ADARB2: variants seen among roughly 807,000 people sequenced by gnomAD.
ADARB2 encodes inactive double-stranded RNA-specific editase B2.
Under a neutral mutation model 62.2 loss-of-function variants are expected in ADARB2, and 25 were observed. That is an observed-to-expected ratio of 0.40 (90% CI 0.29 to 0.56). ADARB2 has a LOEUF of 0.56. Ranked by LOEUF, ADARB2 falls within the 20% of genes least tolerant of loss-of-function variation. ADARB2 has a pLI of 0.43. For missense variants in ADARB2, 1,071 were observed against 1,077.4 expected (o/e 0.99, Z 0.08); for synonymous variants, 572 against 500.8 (o/e 1.14, Z -1.90).
At chr10:1,225,307 C>G (rs1830735573) in intron 6 of ADARB2, among the ~76,000 whole-genome samples, 1 of 152,130 alleles carries the variant, frequency 6.6e-6, no homozygotes. Flanking sequence ...ATGTGTGTCT[C>G]TGCAGCTGAG....
rs181765913 is a variant in ADARB2 at position 1,518,398 on chromosome 10, G to A, written c.101-139238C>T. On this transcript the variant is annotated intron_variant, in intron 1 of 9. Transcript: ENST00000381312. Reference sequence around the variant, plus strand: ...ACTGTACCTGTTTGCCTTGGAATGCGTCTGCTTCATCTGTGGAAACGTAGC... The same window carrying A: ...ACTGTACCTGTTTGCCTTGGAATGCATCTGCTTCATCTGTGGAAACGTAGC... 1.2e-3 allele frequency among the ~76,000 whole-genome samples: 184 copies of A among 152,284 alleles called. 1 individual carries two copies. The highest frequency in any genetic ancestry group is 2.3e-3 in the Admixed American group (35 of 15,304).
intron 3 of ADARB2, among the ~76,000 whole-genome samples, chr10:1,348,890 C>T (rs936250692): frequency 1.3e-5 from 2 of 152,150 alleles, no homozygotes; most frequent in African/African-American, 4.8e-5. Flanking sequence ...GGCATGCAAG[C>T]GACAGCGGCC....
intron 3 of ADARB2, among the ~76,000 whole-genome samples, chr10:1,275,681 C>T (rs187948936): frequency 1.1e-4 from 15 of 131,066 alleles, no homozygotes; most frequent in East Asian, 2.7e-4. Flanking sequence ...CAACAGGCCC[C>T]GGTTGTGATG....
At chr10:1,265,561 C>A (rs554632533) in intron 4 of ADARB2, among the ~76,000 whole-genome samples, 1 of 147,176 alleles carries the variant, frequency 6.8e-6, no homozygotes, top group African/African-American at 2.5e-5. Flanking sequence ...CAGGCTCTCC[C>A]GGAAGACGGC....
At chr10:1,673,504 A>C (rs574896255) in intron 1 of ADARB2, among the ~76,000 whole-genome samples, 1 of 152,306 alleles carries the variant, frequency 6.6e-6, no homozygotes, top group African/African-American at 2.4e-5. Flanking sequence ...TTGCAAAATG[A>C]TTTCTTTACT....
chr10:1,544,853 CAA>C (rs1832494250), intron 1 of ADARB2, among the ~76,000 whole-genome samples: 2 of 151,512 alleles, frequency 1.3e-5, no homozygotes, highest in Admixed American at 1.3e-4. Context: ...GTCAAGTAAA[CAA>C]AATACGTATG....
chr10:1,719,206 G>T (rs1835058265), intron 1 of ADARB2, among the ~76,000 whole-genome samples: 1 of 151,948 alleles, frequency 6.6e-6, no homozygotes, highest in Non-Finnish European at 1.5e-5. Flanking sequence ...TCAGGTGATT[G>T]GCTCACCTCA....
At chr10:1,703,131 C>A (rs1189417298) in intron 1 of ADARB2, among the ~76,000 whole-genome samples, 2 of 152,090 alleles carry the variant, frequency 1.3e-5, no homozygotes, top group Admixed American at 6.5e-5. Flanking sequence ...CGTGCTACAC[C>A]AGGGGCTCAT....
intron 2 of ADARB2, among the ~76,000 whole-genome samples, chr10:1,375,159 A>G (rs1345973550): frequency 6.6e-6 from 1 of 152,214 alleles, no homozygotes; most frequent in African/African-American, 2.4e-5. Flanking sequence ...TCCAGGGCCC[A>G]GGGCCGCCTT....
intron 1 of ADARB2, among the ~76,000 whole-genome samples, chr10:1,708,026 A>T (rs1834910662): frequency 6.6e-6 from 1 of 152,192 alleles, no homozygotes; most frequent in Non-Finnish European, 1.5e-5. Flanking sequence ...CCTTCAGGAA[A>T]ATGACACGGT....
At chr10:1,681,495 A>C (rs1223798660) in intron 1 of ADARB2, among the ~76,000 whole-genome samples, 11 of 152,000 alleles carry the variant, frequency 7.2e-5, no homozygotes, top group Non-Finnish European at 1.6e-4. Context: ...TAAAAAAAAA[A>C]ACCCTAAACC....
rs570140876 is a variant in ADARB2, at chr10:1,477,842, G to A, written c.101-98682C>T. On this transcript the variant is annotated intron_variant, in intron 1 of 9. Transcript: ENST00000381312. This position sits in a 1 kb window ranked among gnomAD's most constrained non-coding sequence, Gnocchi z 4.5. ...CACATGTCTTTAACAATCCTGTGGC[G>A]GGCAGGTGCCTCCCCAGAACGCTTC... 3.3e-5 allele frequency among the ~76,000 whole-genome samples: 5 copies of A among 152,324 alleles called. No homozygotes were observed. The highest frequency in any genetic ancestry group is 5.9e-5 in the Non-Finnish European group (4 of 68,022).
At chr10:1,574,177 A>G (rs1832979093) in intron 1 of ADARB2, among the ~76,000 whole-genome samples, 1 of 152,284 alleles carries the variant, frequency 6.6e-6, no homozygotes, top group South Asian at 2.1e-4. Context: ...AGGAGCCACA[A>G]GTGATGTGGG....
chr10:1,509,205 AAT>A (rs1395197032), intron 1 of ADARB2, among the ~76,000 whole-genome samples: 2 of 152,176 alleles, frequency 1.3e-5, no homozygotes, highest in Non-Finnish European at 2.9e-5. Context: ...TAAAATGATC[AAT>A]CTCTTTGACT....
chr10:1,696,804 C>T (rs1457932268), intron 1 of ADARB2, among the ~76,000 whole-genome samples: 1 of 152,102 alleles, frequency 6.6e-6, no homozygotes, highest in Non-Finnish European at 1.5e-5. Flanking sequence ...TGCAGGTGAC[C>T]CTTGGCACTT....
chr10:1,336,971 T>G (rs1158132163), intron 3 of ADARB2, among the ~76,000 whole-genome samples: 1 of 152,084 alleles, frequency 6.6e-6, no homozygotes, highest in South Asian at 2.1e-4. Context: ...TGAGTCCAGA[T>G]AGCCAAAAAT....
chr10:1,591,366 A>G (rs1408414218), intron 1 of ADARB2, among the ~76,000 whole-genome samples: 2 of 137,176 alleles, frequency 1.5e-5, no homozygotes, highest in Non-Finnish European at 3.1e-5. Context: ...CCCCACCCAC[A>G]GCTCATTCCC....
intron 1 of ADARB2, among the ~76,000 whole-genome samples, chr10:1,473,934 C>A (rs1831360503): frequency 6.6e-6 from 1 of 152,210 alleles, no homozygotes; most frequent in Non-Finnish European, 1.5e-5. Context: ...ACGGAGGAGC[C>A]CTTGGCAGGG....
rs139703496 is a variant in ADARB2 at position 1,634,166 on chromosome 10, C to T, written c.100+102885G>A. Among the ~76,000 whole-genome samples, 1,113 of 152,300 alleles carry T rather than the reference C, an allele frequency of 7.3e-3. 10 individuals are homozygous for T. Among genetic ancestry groups the T allele is most frequent in the Non-Finnish European group, 0.013 (882 of 68,026 alleles). On this transcript the variant is annotated intron_variant, in intron 1 of 9. Transcript: ENST00000381312. ...CAACACCGGGAGGACCCTGGGGCCACACCCGCTCCAGAGTCAGATTCAAGT... is the reference window on the plus strand; with the variant it reads ...CAACACCGGGAGGACCCTGGGGCCATACCCGCTCCAGAGTCAGATTCAAGT...
Sources: gnomAD v4.1 joint callset for allele counts (sites outside exome capture counted in the v4.1 genomes callset) on GRCh38, gnomAD v4.1.1 for gene constraint, Gnocchi (gnomAD v3.1) non-coding constraint, MANE v1.5 for transcripts, NCBI Gene and HGNC (gene_info 2026-07-23, HGNC 2026-07-21) for gene names.